The following R3HDM1 variants were observed in gnomAD, a reference collection of about 807,000 sequenced individuals.
R3HDM1 encodes R3H domain containing 1.
Under a neutral mutation model 141.1 loss-of-function variants are expected in R3HDM1, and 46 were observed. The ratio of observed to expected loss-of-function variants is 0.33; its 90% CI spans 0.26 to 0.42. The LOEUF is 0.42. Ranked by LOEUF, R3HDM1 falls within the 10% of genes least tolerant of loss-of-function variation. R3HDM1 has a pLI of 1.00. For synonymous variants in R3HDM1, 435 were observed against 472.9 expected (o/e 0.92, Z 1.04); for missense variants, 1,184 against 1,368.3 (o/e 0.87, Z 2.12).
At chr2:135,624,425 A>G (rs1053137997) in intron 7 of R3HDM1, among the ~76,000 whole-genome samples, 1 of 151,536 alleles carries the variant, frequency 6.6e-6, no homozygotes, top group African/African-American at 2.4e-5. Flanking sequence ...AAGTGACAGT[A>G]AAGGTACTGG....
At chr2:135,718,786 G>A (rs1227657975) in intron 24 of R3HDM1, among the ~76,000 whole-genome samples, 1 of 152,036 alleles carries the variant, frequency 6.6e-6, no homozygotes, top group East Asian at 1.9e-4. Context: ...CCAGCACCAG[G>A]GTGGTTTTTA....
intron 2 of R3HDM1, among the ~76,000 whole-genome samples, chr2:135,604,107 G>T (rs1036990685): frequency 2.0e-5 from 3 of 152,132 alleles, no homozygotes; most frequent in African/African-American, 7.2e-5. Flanking sequence ...GTTTGGCATT[G>T]AATCACTTAA....
chr2:135,662,552 A>G (rs890492124), intron 19 of R3HDM1, among the ~76,000 whole-genome samples: 1 of 152,170 alleles, frequency 6.6e-6, no homozygotes, highest in East Asian at 1.9e-4. Context: ...CTAGCCTTGT[A>G]TTGTACATGT....
intron 21 of R3HDM1, among the ~76,000 whole-genome samples, chr2:135,690,934 C>T (rs892370844): frequency 6.6e-6 from 1 of 152,080 alleles, no homozygotes; most frequent in Admixed American, 6.5e-5. Context: ...ATAGGAGAGG[C>T]AACATTTCAT....
intron 21 of R3HDM1, among the ~76,000 whole-genome samples, chr2:135,700,836 C>A (rs1316409493): frequency 6.6e-6 from 1 of 152,204 alleles, no homozygotes; most frequent in Non-Finnish European, 1.5e-5. Flanking sequence ...TGGGTGATTT[C>A]ATACAACAGG....
rs975126515 is a variant in R3HDM1, at chr2:135,599,932, G to A, written c.-249-2568G>A. 1.0e-3 allele frequency among the ~76,000 whole-genome samples: 154 copies of A among 151,920 alleles called. 1 individual carries two copies. The highest frequency in any genetic ancestry group is 3.5e-3 in the African/African-American group (146 of 41,432). On this transcript the variant is annotated intron_variant, in intron 1 of 26. Transcript: ENST00000683871. ...ACCTATAGTCGCAGTTACTCAGGAGGCCGGAGTGGAAGGATAGCTTGAGCC... is the reference window on the plus strand; with the variant it reads ...ACCTATAGTCGCAGTTACTCAGGAGACCGGAGTGGAAGGATAGCTTGAGCC...
At chr2:135,670,098 C>T (rs915607388) in intron 19 of R3HDM1, among the ~76,000 whole-genome samples, 2 of 146,558 alleles carry the variant, frequency 1.4e-5, no homozygotes, top group Non-Finnish European at 3.0e-5. Context: ...CCGCTGCACT[C>T]CAGCCTGGGC....
At chr2:135,615,530 TGGTC>T (rs962213162) in intron 3 of R3HDM1, among the ~76,000 whole-genome samples, 6 of 152,242 alleles carry the variant, frequency 3.9e-5, no homozygotes, top group African/African-American at 1.4e-4. Flanking sequence ...ATGTGACTGA[TGGTC>T]GGCCTGTCAG....
intron 21 of R3HDM1, among the ~76,000 whole-genome samples, chr2:135,693,315 A>G (rs560755416): frequency 1.3e-4 from 20 of 152,304 alleles, no homozygotes; most frequent in South Asian, 8.3e-4. Context: ...GGTTTTGCCT[A>G]TAGGCCATAG....
intron 1 of R3HDM1, among the ~76,000 whole-genome samples, chr2:135,584,598 C>T (rs1209669609): frequency 6.6e-6 from 1 of 152,226 alleles, no homozygotes; most frequent in African/African-American, 2.4e-5. Context: ...TTTATTATCA[C>T]TAAAGCTCAC....
intron 7 of R3HDM1, chr2:135,622,940 T>C: frequency 1.0e-6 from 1 of 981,778 alleles, no homozygotes; most frequent in Non-Finnish European, 1.2e-6. Flanking sequence ...GTCACCATGA[T>C]GTATGAATTT....
chr2:135,719,247 C>T (rs546151031), intron 24 of R3HDM1, among the ~76,000 whole-genome samples: 3 of 151,594 alleles, frequency 2.0e-5, no homozygotes, highest in Admixed American at 6.6e-5. Context: ...GTATGAATGC[C>T]GCAGGAGGAA....
intron 17 of R3HDM1, 88 bp downstream of exon 17, chr2:135,650,091 T>C (rs2064986272): frequency 9.7e-7 from 1 of 1,028,918 alleles, no homozygotes. Flanking sequence ...AATATGATCT[T>C]TTGTGATTTT....
At chr2:135,666,031 A>G (rs2067442320) in intron 19 of R3HDM1, among the ~76,000 whole-genome samples, 3 of 152,210 alleles carry the variant, frequency 2.0e-5, no homozygotes, top group African/African-American at 4.8e-5. Flanking sequence ...AATGTATTAT[A>G]TCTTTAGTCT....
intron 7 of R3HDM1, among the ~76,000 whole-genome samples, chr2:135,623,646 C>CT (rs556943095): frequency 2.6e-5 from 4 of 152,182 alleles, no homozygotes; most frequent in Non-Finnish European, 5.9e-5. Context: ...CTCTCCTTGA[C>CT]TTTTTTTCCT....
intron 21 of R3HDM1, among the ~76,000 whole-genome samples, chr2:135,700,816 C>T (rs930782163): frequency 6.6e-6 from 1 of 152,136 alleles, no homozygotes; most frequent in African/African-American, 2.4e-5. Context: ...TCCTAAGTCT[C>T]GACCTTTTGT....
intron 20 of R3HDM1, among the ~76,000 whole-genome samples, chr2:135,677,765 A>G (rs753028959): frequency 1.3e-5 from 2 of 152,180 alleles, no homozygotes; most frequent in African/African-American, 2.4e-5. Flanking sequence ...CTCCTACTAC[A>G]TTTGATAAAC....
chr2:135,562,669 C>G (rs927669368), intron 1 of R3HDM1, among the ~76,000 whole-genome samples: 1 of 152,174 alleles, frequency 6.6e-6, no homozygotes, highest in Non-Finnish European at 1.5e-5. Flanking sequence ...TTCATGAAGA[C>G]CTGCACAGTT....
chr2:135,632,386 TTTAG>T (rs960393005), intron 9 of R3HDM1, among the ~76,000 whole-genome samples: 80 of 151,964 alleles, frequency 5.3e-4, no homozygotes, highest in Admixed American at 1.0e-3. Context: ...CACCCTCACA[TTTAG>T]TTAATCTTCT....
Sources: allele counts gnomAD v4.1 joint callset (sites outside exome capture counted in the v4.1 genomes callset), GRCh38; gene constraint gnomAD v4.1.1; transcripts MANE v1.5; gene names NCBI Gene and HGNC (gene_info 2026-07-23, HGNC 2026-07-21).